The following OTOP1 variants were observed in gnomAD, a reference collection of about 807,000 sequenced individuals.
The protein encoded by OTOP1 is proton channel OTOP1.
Under a neutral mutation model 52.9 loss-of-function variants are expected in OTOP1, and 59 were observed. That is an observed-to-expected ratio of 1.12 (90% CI 0.91 to 1.39). The LOEUF is 1.39. Among genes scored for constraint, OTOP1 ranks in the 40% most tolerant of loss-of-function variants. OTOP1 has a pLI of 0.00. For missense variants in OTOP1, 761 were observed against 800.9 expected (o/e 0.95, Z 0.60); for synonymous variants, 317 against 337.7 (o/e 0.94, Z 0.67).
chr4:4,218,220 C>G (rs1185016025), intron 1 of OTOP1, among the ~76,000 whole-genome samples: 1 of 151,792 alleles, frequency 6.6e-6, no homozygotes, highest in Admixed American at 6.6e-5. Flanking sequence ...GGTGAAACCC[C>G]GTCTTTACTA....
rs1392023141 is a variant in OTOP1, at chr4:4,197,269, C to A, written c.1565G>T (p.Gly522Val). The change falls in exon 5 of 6, where the codon GGA (glycine) becomes GTA (valine). Residue 522 changes from glycine (G) to valine (V), a missense_variant. Coordinates refer to ENST00000296358, the MANE Select transcript of OTOP1 (RefSeq NM_177998.3). ...EEEKQEESSW[G>V]GSPSPVRLPR... ...AAGGCGGACTGGGCTTGGGCTCCCT[C>A]CCCAGCTGCTCTCCTCCTGCTTCTC... is the stretch of plus-strand genomic sequence containing the variant. 2 of 1,614,174 alleles carry A rather than the reference C, an allele frequency of 1.2e-6. No homozygotes were observed. The highest frequency in any genetic ancestry group is 1.7e-6 in the Non-Finnish European group (2 of 1,180,036).
At position 4,198,026 on chromosome 4, in the gene OTOP1, GGTA is replaced by G. The variant is rs1172876992; in HGVS notation, c.805_807del (p.Tyr269del). ...TGATACTCTATGTTGAAGGGGTAGA[GGTA>G]GTAGATCCCGTGGGAGATGGCAGTG... On this transcript the variant is annotated inframe_deletion, in exon 5 of 6. Coordinates refer to ENST00000296358, the MANE Select transcript of OTOP1 (RefSeq NM_177998.3). 6.2e-7 allele frequency: 1 copy of G among 1,614,116 alleles called. No homozygotes were observed.
intron 1 of OTOP1, among the ~76,000 whole-genome samples, chr4:4,223,265 C>A (rs1717339691): frequency 6.6e-6 from 1 of 152,198 alleles, no homozygotes; most frequent in African/African-American, 2.4e-5. Context: ...TGTGTCCCCA[C>A]CCTGCTCTTC....
chr4:4,206,112 GC>G lies in OTOP1; in HGVS notation c.558del (p.His187MetfsTer17), dbSNP rs779885290. On this transcript the variant is annotated frameshift_variant, in exon 3 of 6. Transcript: ENST00000296358. LOFTEE classifies it high-confidence loss of function. ...HTLLQVYFLW[G>X]HAKDIIQSFK... ...AAAGACTGGATAATATCCTTTGCAT[GC>G]CCCCAAAGAAAATATACCTAGATGG... is the stretch of plus-strand genomic sequence containing the variant. The G allele has an allele frequency of 2.5e-6, 4 of 1,607,464 alleles. No homozygotes were observed. The South Asian group carries it at 3.3e-5, about 13-fold the overall frequency.
intron 2 of OTOP1, among the ~76,000 whole-genome samples, chr4:4,207,528 T>TTTTTAAATAATGC (rs1013702581): frequency 6.6e-6 from 1 of 152,144 alleles, no homozygotes; most frequent in Non-Finnish European, 1.5e-5. Flanking sequence ...TACATTATAT[T>TTTTTAAATAATGC]TTTTAAATAA....
At chr4:4,202,249 T>C in intron 4 of OTOP1, among the ~76,000 whole-genome samples, 199 bp downstream of exon 4, 1 of 152,194 alleles carries the variant, frequency 6.6e-6, no homozygotes, top group Non-Finnish European at 1.5e-5. Flanking sequence ...AAACCTTTAA[T>C]TATGCTCAGT....
At position 4,197,391 on chromosome 4, in the gene OTOP1, A is replaced by G. The variant is rs1716664053; in HGVS notation, c.1443T>C (p.Ser481=). Residue 481 remains serine, a synonymous_variant, in exon 5 of 6, where the codon AGT becomes AGC. Transcript: ENST00000296358. ...TMPLASSCPK[S]GGVARDVAPQ... Reference sequence around the variant, plus strand: ...GAGCCACATCTCTGGCCACACCTCCACTCTTGGGGCAGGAAGAAGCAAGGG... The same window carrying G: ...GAGCCACATCTCTGGCCACACCTCCGCTCTTGGGGCAGGAAGAAGCAAGGG... 2 of 1,612,778 alleles carry G rather than the reference A, an allele frequency of 1.2e-6. No individual in the cohort carries two copies. The highest frequency in any genetic ancestry group is 1.7e-6 in the Non-Finnish European group (2 of 1,179,876).
chr4:4,192,024 G>A (rs892440091), intron 5 of OTOP1, among the ~76,000 whole-genome samples: 1 of 152,210 alleles, frequency 6.6e-6, no homozygotes, highest in Admixed American at 6.5e-5. Context: ...ATAAATTCTT[G>A]TTACTTATCC....
In OTOP1 at chr4:4,212,870, G is replaced by T. The variant is rs1254328656; in HGVS notation, c.538C>A (p.Gln180Lys). 2 of 1,613,754 alleles carry T rather than the reference G, an allele frequency of 1.2e-6. No individual in the cohort carries two copies. The highest frequency in any genetic ancestry group is 2.7e-5 in the African/African-American group (2 of 74,886). Residue 180 changes from glutamine (Q) to lysine (K), a missense_variant and splice_region_variant, in exon 2 of 6, where the codon CAG (glutamine) becomes AAG (lysine). Transcript: ENST00000296358. Reference sequence around the variant, plus strand: ...ATAAATAAACATCAGTGGTTTACCTGCAACAAAGTATGCACTGAATGGGTG... The same window carrying T: ...ATAAATAAACATCAGTGGTTTACCTTCAACAAAGTATGCACTGAATGGGTG... ...PVTHSVHTLL[Q>K]VYFLWGHAKD...
intron 5 of OTOP1, among the ~76,000 whole-genome samples, chr4:4,195,900 C>G (rs1172007629): frequency 6.6e-6 from 1 of 152,092 alleles, no homozygotes; most frequent in Non-Finnish European, 1.5e-5. Flanking sequence ...ATACTGAGAC[C>G]TTTTAGAGGA....
At chr4:4,204,915 C>T (rs1225237169) in intron 3 of OTOP1, among the ~76,000 whole-genome samples, 21 of 152,144 alleles carry the variant, frequency 1.4e-4, no homozygotes, top group African/African-American at 4.6e-4. Context: ...GGACTACAGG[C>T]GCCCACCACC....
At chr4:4,225,791 C>T (rs973711178) in intron 1 of OTOP1, among the ~76,000 whole-genome samples, 1 of 152,040 alleles carries the variant, frequency 6.6e-6, no homozygotes, top group Non-Finnish European at 1.5e-5. Context: ...CACAGAGCTC[C>T]CCAGTGGAGT....
At chr4:4,207,989 T>C (rs745339680) in intron 2 of OTOP1, among the ~76,000 whole-genome samples, 9 of 152,126 alleles carry the variant, frequency 5.9e-5, no homozygotes, top group Admixed American at 1.3e-4. Context: ...GGTTCACATG[T>C]GAGAGGGGGT....
chr4:4,197,851 A>G lies in OTOP1; in HGVS notation c.983T>C (p.Val328Ala). The G allele has an allele frequency of 6.2e-7, 1 of 1,614,024 alleles. No homozygotes were observed. Among genetic ancestry groups the G allele is most frequent in the South Asian group, 1.1e-5 (1 of 91,046 alleles). ...AATATGAATCAGGTATACCACCACCACAGCAATGGTGGCGGCCAGCACGGT... is the reference window on the plus strand; with the variant it reads ...AATATGAATCAGGTATACCACCACCGCAGCAATGGTGGCGGCCAGCACGGT... Reference protein sequence around the residue: ...GLTVLAATIAVVVVYLIHIGR... With the variant: ...GLTVLAATIAAVVVYLIHIGR... The change falls in exon 5 of 6, where the codon GTG (valine) becomes GCG (alanine). Residue 328 changes from valine to alanine, a missense_variant. This residue lies in a region of OTOP1 where 632 missense variants were observed against 619.5 expected (regional missense o/e 1.02). Transcript: ENST00000296358.
chr4:4,200,332 G>A (rs879140045), intron 4 of OTOP1, among the ~76,000 whole-genome samples: 3 of 151,892 alleles, frequency 2.0e-5, no homozygotes, highest in African/African-American at 7.3e-5. Flanking sequence ...AAAATTAGCC[G>A]GGCGTGGTGG....
At chr4:4,222,671 A>G (rs1448951489) in intron 1 of OTOP1, among the ~76,000 whole-genome samples, 1 of 152,242 alleles carries the variant, frequency 6.6e-6, no homozygotes, top group Non-Finnish European at 1.5e-5. Flanking sequence ...TAGTGGCCCC[A>G]GAATGGATCT....
rs1389637798 is a variant in OTOP1 at position 4,219,968 on chromosome 4, TATATAC to T, written c.403+6488_403+6493del. 4.8e-4 allele frequency among the ~76,000 whole-genome samples: 70 copies of T among 144,976 alleles called. 1 individual carries two copies. Among genetic ancestry groups the T allele is most frequent in the African/African-American group, 1.7e-3 (68 of 39,648 alleles). On this transcript the variant is annotated intron_variant, in intron 1 of 5. Coordinates refer to ENST00000296358, the MANE Select transcript of OTOP1 (RefSeq NM_177998.3). ...ACATATATACGTATACATGTATACA[TATATAC>T]ACATATATACGTATATAGGTGTATA...
chr4:4,217,404 A>G (rs1205416232), intron 1 of OTOP1, among the ~76,000 whole-genome samples: 2 of 152,254 alleles, frequency 1.3e-5, no homozygotes. Context: ...TGCTGCAAGG[A>G]AAGGACTGCA....
In OTOP1 at chr4:4,220,101, ATATATTT is replaced by A. The variant is rs1476130823; in HGVS notation, c.403+6354_403+6360del. Among the ~76,000 whole-genome samples, 40 of 65,846 alleles carry A rather than the reference ATATATTT, an allele frequency of 6.1e-4. No homozygotes were observed. The South Asian group carries it at 0.021, about 35-fold the overall frequency. 43.2% of individuals were successfully genotyped at this position (65,846 alleles called of 152,430 possible). ...TATACATATATATATATATATATAT[ATATATTT>A]TTTTTTTTTTTGAGATGGAGTTTCA... On this transcript the variant is annotated intron_variant, in intron 1 of 5. Transcript: ENST00000296358.
Sources: allele counts gnomAD v4.1 joint callset (sites outside exome capture counted in the v4.1 genomes callset), GRCh38; gene constraint gnomAD v4.1.1; regional missense constraint gnomAD v4.1.1; transcripts MANE v1.5; gene names NCBI Gene and HGNC (gene_info 2026-07-23, HGNC 2026-07-21).